Variants in ZC3H12D observed in about 807,000 individuals in gnomAD.
ZC3H12D encodes the protein probable ribonuclease ZC3H12D.
A neutral mutation model predicts 24.2 loss-of-function variants in ZC3H12D; 11 were observed. That is an observed-to-expected ratio of 0.46 (90% CI 0.29 to 0.75). ZC3H12D has a LOEUF of 0.75. Ranked by LOEUF, ZC3H12D falls within the 30% of genes least tolerant of loss-of-function variation. The pLI, the probability that ZC3H12D is intolerant of heterozygous loss-of-function variation, is 0.11. For missense variants in ZC3H12D, 740 were observed against 767.7 expected, an observed-to-expected ratio of 0.96 and a Z score of 0.43; for synonymous variants, 333 against 341.8, an observed-to-expected ratio of 0.97 and a Z score of 0.28.
chr6:149,451,223 C>G lies in ZC3H12D; in HGVS notation c.1044G>C (p.Arg348=). 1 of 1,303,746 alleles carries G rather than the reference C, an allele frequency of 7.7e-7. No homozygotes were observed. The highest frequency in any genetic ancestry group is 9.7e-7 in the Non-Finnish European group (1 of 1,032,660). 80.8% of individuals were successfully genotyped at this position (1,303,746 alleles called of 1,614,324 possible). ...DLAALRGSFS[R]LAFSDDLGPL... ...GCCCCAGGTCGTCGCTGAAGGCCAG[C>G]CGAGAGAAGCTCCCTCGCAGGGCGG... The change falls in exon 6 of 6, where the codon CGG becomes CGC. Residue 348 remains arginine, a synonymous_variant. Transcript: ENST00000409806.
intron 4 of ZC3H12D, among the ~76,000 whole-genome samples, chr6:149,453,128 CAAAAA>C (rs59814309): frequency 3.8e-5 from 4 of 106,114 alleles, no homozygotes; most frequent in East Asian, 2.7e-4. Flanking sequence ...CTACAGAAAG[CAAAAA>C]AAAAAAAAAA....
rs193181665 is a variant in ZC3H12D at position 149,455,720 on chromosome 6, G to A, written c.680+946C>T. On this transcript the variant is annotated intron_variant, in intron 4 of 5. Transcript: ENST00000409806. ...TCAACCCAGAGTCAGGGCCAGGCAG[G>A]GGGAGATATTTACAGCCCAGAAGAA... Among the ~76,000 whole-genome samples, 198 of 152,216 alleles carry A rather than the reference G, an allele frequency of 1.3e-3. 1 individual carries two copies. Among genetic ancestry groups the A allele is most frequent in the African/African-American group, 4.7e-3 (194 of 41,514 alleles).
At chr6:149,455,369 C>T (rs938301873) in intron 4 of ZC3H12D, among the ~76,000 whole-genome samples, 8 of 152,182 alleles carry the variant, frequency 5.3e-5, no homozygotes, top group African/African-American at 1.2e-4. Context: ...GATACAGTCC[C>T]GGCCCTCACA....
At chr6:149,481,505 A>G (rs1776424652) in intron 1 of ZC3H12D, among the ~76,000 whole-genome samples, 1 of 151,540 alleles carries the variant, frequency 6.6e-6, no homozygotes, top group Non-Finnish European at 1.5e-5. Flanking sequence ...CCTCCTGAGT[A>G]GCTGGGACTA....
intron 2 of ZC3H12D, among the ~76,000 whole-genome samples, chr6:149,464,362 T>C (rs543137906): frequency 6.6e-6 from 1 of 151,992 alleles, no homozygotes; most frequent in African/African-American, 2.4e-5. Flanking sequence ...GTGGATAGAT[T>C]TGAGATATTG....
chr6:149,463,682 T>C (rs480870), intron 2 of ZC3H12D, among the ~76,000 whole-genome samples: 98,381 of 152,166 alleles, frequency 0.65, 34,203 homozygotes, highest in African/African-American at 0.9. Flanking sequence ...GCACTCCAGC[T>C]TGGGCGACAT....
chr6:149,453,398 G>A (rs1010331875), intron 4 of ZC3H12D, among the ~76,000 whole-genome samples: 4 of 151,744 alleles, frequency 2.6e-5, no homozygotes, highest in Non-Finnish European at 5.9e-5. Flanking sequence ...ATTGAGGTGG[G>A]CAGATTGCCT....
intron 2 of ZC3H12D, among the ~76,000 whole-genome samples, chr6:149,463,493 G>A (rs1776107038): frequency 6.6e-6 from 1 of 152,308 alleles, no homozygotes; most frequent in Non-Finnish European, 1.5e-5. Flanking sequence ...GGTGGATCAT[G>A]AGGTCAGGAG....
intron 2 of ZC3H12D, among the ~76,000 whole-genome samples, chr6:149,467,710 G>A (rs1005588508): frequency 3.3e-5 from 5 of 152,140 alleles, no homozygotes; most frequent in African/African-American, 1.2e-4. Context: ...CCATCTCTCT[G>A]ATCTAGGGGC....
At chr6:149,475,741 A>G (rs1284915612) in intron 1 of ZC3H12D, among the ~76,000 whole-genome samples, 1 of 150,966 alleles carries the variant, frequency 6.6e-6, no homozygotes, top group Admixed American at 6.6e-5. Context: ...GCCTGCCCCA[A>G]ATTTCATCCA....
rs1776378448 is a variant in ZC3H12D, at chr6:149,478,654, C to A, written c.-70-4041G>T. On this transcript the variant is annotated intron_variant, in intron 1 of 5. Transcript: ENST00000409806. ...TCTAGAGCTGTTCCAACAGGTATTT[C>A]CACATAGTTGACACCATGTAGGTGA... 3.9e-5 allele frequency among the ~76,000 whole-genome samples: 6 copies of A among 152,228 alleles called. No individual in the cohort carries two copies. In the South Asian group the frequency reaches 1.2e-3, roughly 32 times the overall value.
intron 2 of ZC3H12D, among the ~76,000 whole-genome samples, chr6:149,465,750 A>G (rs142140380): frequency 0.013 from 1,651 of 125,686 alleles, 36 homozygotes; most frequent in African/African-American, 0.06. Flanking sequence ...GCGAGACGCC[A>G]TCTCAAAAAA....
chr6:149,455,968 AGAC>A (rs1775973977), intron 4 of ZC3H12D, among the ~76,000 whole-genome samples: 1 of 151,144 alleles, frequency 6.6e-6, no homozygotes, highest in South Asian at 2.1e-4. Context: ...AAAAAAAAAA[AGAC>A]AGCCAGGCAC....
chr6:149,471,601 G>A (rs1433055816), intron 2 of ZC3H12D, among the ~76,000 whole-genome samples: 1 of 152,228 alleles, frequency 6.6e-6, no homozygotes, highest in African/African-American at 2.4e-5. Flanking sequence ...TTCCCCCAGA[G>A]AAACACATAT....
intron 2 of ZC3H12D, among the ~76,000 whole-genome samples, chr6:149,470,497 T>C (rs1776227490): frequency 1.3e-5 from 2 of 151,388 alleles, no homozygotes; most frequent in South Asian, 4.2e-4. Context: ...ATTGGACCAA[T>C]GCACTCTAGC....
intron 3 of ZC3H12D, among the ~76,000 whole-genome samples, chr6:149,458,111 C>CTCGTTTCTTTTT (rs1246641761): frequency 3.7e-5 from 3 of 80,238 alleles, no homozygotes; most frequent in African/African-American, 1.4e-4. Context: ...CTTTCTTTTT[C>CTCGTTTCTTTTT]TTTTTTTTTT....
chr6:149,463,918 G>T (rs1776113672), intron 2 of ZC3H12D, among the ~76,000 whole-genome samples: 1 of 152,218 alleles, frequency 6.6e-6, no homozygotes, highest in Admixed American at 6.5e-5. Flanking sequence ...AAAGGAACAG[G>T]GTTAGAGGGA....
chr6:149,473,281 G>A lies in ZC3H12D; in HGVS notation c.305+958C>T, dbSNP rs188943333. 2.9e-3 allele frequency among the ~76,000 whole-genome samples: 447 copies of A among 152,368 alleles called. 3 individuals carry two copies. Among genetic ancestry groups the A allele is most frequent in the Non-Finnish European group, 4.0e-3 (275 of 68,034 alleles). ...CAAATCCCCAGGGGAAACTCTCGGA[G>A]GCTCTGTTGACACATTCGGTGCCGC... On this transcript the variant is annotated intron_variant, in intron 2 of 5. Transcript: ENST00000409806.
At position 149,450,920 on chromosome 6, in the gene ZC3H12D, G is replaced by T; in HGVS notation, c.1347C>A (p.Arg449=). 1 of 1,540,140 alleles carries T rather than the reference G, an allele frequency of 6.5e-7. No individual in the cohort carries two copies. Among genetic ancestry groups the T allele is most frequent in the South Asian group, 1.2e-5 (1 of 83,968 alleles). The change falls in exon 6 of 6, where the codon CGC becomes CGA. Residue 449 remains arginine, a synonymous_variant. Transcript: ENST00000409806. ...CCCAGGCCGGCTCCGCCCAGACGGA[G>T]CGCCCAGGGAAGCGGTCGGAGCGGG... is the stretch of plus-strand genomic sequence containing the variant. ...RPPRSDRFPG[R]SVWAEPAWGD...
Sources: allele counts gnomAD v4.1 joint callset (sites outside exome capture counted in the v4.1 genomes callset), GRCh38; gene constraint gnomAD v4.1.1; transcripts MANE v1.5; gene names NCBI Gene and HGNC (gene_info 2026-07-23, HGNC 2026-07-21).